The following EDN1 variants were observed in gnomAD, a reference collection of about 807,000 sequenced individuals.
EDN1 encodes endothelin 1.
EDN1 carries 11 observed loss-of-function variants against 21.7 expected under a neutral mutation model. The observed-to-expected ratio is 0.51, with a 90% CI of 0.32 to 0.84. The LOEUF (loss-of-function observed/expected upper bound fraction) is 0.84, where lower values mean the gene tolerates loss of function less well. Ranked by LOEUF, EDN1 falls within the 40% of genes least tolerant of loss-of-function variation. The pLI, the probability that EDN1 is intolerant of heterozygous loss-of-function variation, is 0.03. For synonymous variants in EDN1, 85 were observed against 90.6 expected (o/e 0.94, Z 0.35); for missense variants, 244 against 262.3 (o/e 0.93, Z 0.48).
intron 1 of EDN1, among the ~76,000 whole-genome samples, chr6:12,291,729 G>A (rs916464473): frequency 3.9e-5 from 6 of 152,076 alleles, no homozygotes; most frequent in African/African-American, 1.4e-4. Flanking sequence ...TTAGGTCACT[G>A]GTTTCTATGG....
the EDN1 span, among the ~76,000 whole-genome samples, chr6:12,279,704 G>C: frequency 6.6e-6 from 1 of 152,138 alleles, no homozygotes; most frequent in Admixed American, 6.5e-5. Context: ...AATTTGAACT[G>C]AATAGGAAAA....
the EDN1 span, among the ~76,000 whole-genome samples, chr6:12,272,871 G>A: frequency 6.6e-6 from 1 of 152,218 alleles, no homozygotes; most frequent in African/African-American, 2.4e-5. Context: ...GGTGTGGACA[G>A]AAAGAGTTTG....
chr6:12,276,807 G>A, the EDN1 span, among the ~76,000 whole-genome samples: 1 of 152,228 alleles, frequency 6.6e-6, no homozygotes, highest in Non-Finnish European at 1.5e-5. Context: ...GGGAGGCAGG[G>A]CCATTTTGAA....
At chr6:12,285,614 C>T (rs1444823988), upstream of EDN1, among the ~76,000 whole-genome samples, 1 of 152,122 alleles carries the variant, frequency 6.6e-6, no homozygotes, top group Non-Finnish European at 1.5e-5. Context: ...TCTTGTTGCC[C>T]AGGCTGGAGT....
chr6:12,269,380 G>A, the EDN1 span, among the ~76,000 whole-genome samples: 6 of 149,974 alleles, frequency 4.0e-5, no homozygotes, highest in Non-Finnish European at 5.9e-5. Flanking sequence ...TGAAAGTGCC[G>A]AAAGTGGGCA....
chr6:12,238,394 CT>C, the EDN1 span, among the ~76,000 whole-genome samples: 3 of 152,126 alleles, frequency 2.0e-5, no homozygotes, highest in Non-Finnish European at 4.4e-5. Context: ...AAGGTCTCCC[CT>C]GCCCACTCTA....
At chr6:12,252,155 T>C in the EDN1 span, among the ~76,000 whole-genome samples, 1 of 152,320 alleles carries the variant, frequency 6.6e-6, no homozygotes, top group Admixed American at 6.5e-5. Context: ...TTTTAGATAT[T>C]GCTGGACTTG....
the EDN1 span, among the ~76,000 whole-genome samples, chr6:12,233,613 T>C: frequency 6.6e-6 from 1 of 152,310 alleles, no homozygotes; most frequent in Non-Finnish European, 1.5e-5. Context: ...GCCGACCGCA[T>C]GGGCAAGATT....
rs377019316 is a variant in EDN1 at position 12,290,675 on chromosome 6, C to A, written c.46C>A (p.Gln16Lys). ...MIFSLLFVACQGAPETAVLGA... is the reference protein window; with the variant it reads ...MIFSLLFVACKGAPETAVLGA... Reference sequence around the variant, plus strand: ...TTTCTCTCTGCTGTTTGTGGCTTGCCAAGGAGCTCCAGAAACAGGTAGGCA... The same window carrying A: ...TTTCTCTCTGCTGTTTGTGGCTTGCAAAGGAGCTCCAGAAACAGGTAGGCA... The change falls in exon 1 of 5, where the codon CAA (glutamine) becomes AAA (lysine). Residue 16 changes from glutamine (Q) to lysine (K), a missense_variant. Gln to Lys is a moderately conservative substitution (Grantham distance 53). Transcript: ENST00000379375. 5.6e-6 allele frequency: 9 copies of A among 1,613,994 alleles called. No homozygotes were observed. In the African/African-American group the frequency reaches 1.1e-4, roughly 19 times the overall value.
At chr6:12,242,260 G>T in the EDN1 span, among the ~76,000 whole-genome samples, 1 of 152,128 alleles carries the variant, frequency 6.6e-6, no homozygotes, top group African/African-American at 2.4e-5. Context: ...AATTTCTAAC[G>T]CAGGGAATGA....
Position 12,296,703 on chromosome 6 carries a change from T to C in EDN1, c.*636T>C, listed in dbSNP as rs1762834596. ...ACATTTAATTATTGCCTCCCCAAAC[T>C]CTTCCCACCCCTGCTGCCCCTTCCT... On this transcript the variant is annotated 3_prime_UTR_variant, in exon 5 of 5. Transcript: ENST00000379375. 6.5e-6 allele frequency: 1 copy of C among 153,244 alleles called. No homozygotes were observed. Among genetic ancestry groups the C allele is most frequent in the South Asian group, 2.1e-4 (1 of 4,872 alleles). The allele number at this position is 153,244 out of a possible 1,614,324, so 9.5% of individuals were successfully genotyped here.
At chr6:12,239,667 G>T in the EDN1 span, among the ~76,000 whole-genome samples, 1 of 152,154 alleles carries the variant, frequency 6.6e-6, no homozygotes, top group East Asian at 1.9e-4. Flanking sequence ...CCAGCACTTT[G>T]GGAGGCTGAG....
the EDN1 span, among the ~76,000 whole-genome samples, chr6:12,231,121 C>T: frequency 5.3e-5 from 8 of 152,270 alleles, no homozygotes; most frequent in Admixed American, 1.3e-4. Context: ...AACAATAAGC[C>T]GTGAGATTAA....
chr6:12,290,436 G>A lies in EDN1; in HGVS notation c.-194G>A. 3 of 603,232 alleles carry A rather than the reference G, an allele frequency of 5.0e-6. No individual in the cohort carries two copies. The highest frequency in any genetic ancestry group is 4.0e-5 in the South Asian group (2 of 50,520). The allele number at this position is 603,232 out of a possible 1,614,324, so 37.4% of individuals were successfully genotyped here. A position where few individuals can be genotyped will look rare whatever the true frequency, so the allele number is the denominator to read the frequency against. ...GTCCCAGCTCTCCACCGCCGCGTGC[G>A]CCTGCAGACGCTCCGCTCGCTGCCT... On this transcript the variant is annotated 5_prime_UTR_variant, in exon 1 of 5. Transcript: ENST00000379375.
At chr6:12,281,139 C>T in the EDN1 span, among the ~76,000 whole-genome samples, 1 of 152,106 alleles carries the variant, frequency 6.6e-6, no homozygotes, top group African/African-American at 2.4e-5. Flanking sequence ...CTTCCTCTTA[C>T]AGACCTCTCT....
At chr6:12,238,292 C>A in the EDN1 span, among the ~76,000 whole-genome samples, 1 of 151,948 alleles carries the variant, frequency 6.6e-6, no homozygotes, top group African/African-American at 2.4e-5. Flanking sequence ...TGTAGGCGTT[C>A]CTCTGGGGTG....
chr6:12,282,758 C>A, the EDN1 span, among the ~76,000 whole-genome samples: 1 of 152,136 alleles, frequency 6.6e-6, no homozygotes, highest in Non-Finnish European at 1.5e-5. Flanking sequence ...CTAAAATAAA[C>A]CAACATAATA....
the EDN1 span, among the ~76,000 whole-genome samples, chr6:12,253,576 A>C: frequency 7.9e-5 from 12 of 152,322 alleles, no homozygotes; most frequent in Admixed American, 2.6e-4. Flanking sequence ...AAAGACTTTA[A>C]TTTCCAGGAA....
chr6:12,268,446 T>C, the EDN1 span, among the ~76,000 whole-genome samples: 1 of 152,226 alleles, frequency 6.6e-6, no homozygotes, highest in Non-Finnish European at 1.5e-5. Flanking sequence ...TTTATCTTTT[T>C]AGGTCTTACA....
Sources: allele counts gnomAD v4.1 joint callset (sites outside exome capture counted in the v4.1 genomes callset), GRCh38; gene constraint gnomAD v4.1.1; transcripts MANE v1.5; gene names NCBI Gene and HGNC (gene_info 2026-07-23, HGNC 2026-07-21).